LRRC7: variants seen among roughly 807,000 people sequenced by gnomAD.
LRRC7 encodes the protein leucine rich repeat containing 7.
Under a neutral mutation model 175.7 loss-of-function variants are expected in LRRC7, and 23 were observed. That is an observed-to-expected ratio of 0.13 (90% CI 0.09 to 0.19). The LOEUF (loss-of-function observed/expected upper bound fraction) is 0.19, where lower values mean the gene tolerates loss of function less well. Ranked by LOEUF, LRRC7 falls within the 10% of genes least tolerant of loss-of-function variation. LRRC7 has a pLI of 1.00. For missense variants in LRRC7, 1,354 were observed against 1,904.7 expected, an observed-to-expected ratio of 0.71 and a Z score of 5.38; for synonymous variants, 685 against 680.9, an observed-to-expected ratio of 1.01 and a Z score of -0.09.
chr1:69,965,060 G>A (rs1051141850), intron 8 of LRRC7, among the ~76,000 whole-genome samples: 4 of 152,166 alleles, frequency 2.6e-5, no homozygotes, highest in African/African-American at 9.7e-5. Context: ...AGACAGTTAT[G>A]GTGCCTTCCT....
In LRRC7 at chr1:70,076,006, A is replaced by T. The variant is rs181315023; in HGVS notation, c.4231-71A>T. 130 of 1,520,148 alleles carry T rather than the reference A, an allele frequency of 8.6e-5. No individual in the cohort carries two copies. The East Asian group carries it at 2.6e-3, about 31-fold the overall frequency. The allele number at this position is 1,520,148 out of a possible 1,614,324, so 94.2% of individuals were successfully genotyped here. ...CCGCTTTACCAGAGAGGTATTCTGTACGTGCTTTCTACTTTAATCACATCC... is the reference window on the plus strand; with the variant it reads ...CCGCTTTACCAGAGAGGTATTCTGTTCGTGCTTTCTACTTTAATCACATCC... On this transcript the variant is annotated intron_variant, in intron 23 of 26. Coordinates refer to ENST00000651989, the MANE Select transcript of LRRC7 (RefSeq NM_001370785.2).
intron 7 of LRRC7, among the ~76,000 whole-genome samples, chr1:69,891,660 A>T (rs1484650359): frequency 6.6e-6 from 1 of 152,128 alleles, no homozygotes; most frequent in Non-Finnish European, 1.5e-5. Flanking sequence ...TGAACCCAGG[A>T]GGTGGAAGTT....
intron 7 of LRRC7, among the ~76,000 whole-genome samples, chr1:69,886,054 G>T (rs2101627588): frequency 6.7e-6 from 1 of 149,906 alleles, no homozygotes; most frequent in South Asian, 2.1e-4. Context: ...GTCAATTTTG[G>T]AATAGGTGTG....
chr1:69,742,925 T>C (rs1206123883), intron 2 of LRRC7, among the ~76,000 whole-genome samples: 3 of 151,996 alleles, frequency 2.0e-5, no homozygotes, highest in African/African-American at 7.2e-5. Flanking sequence ...AGATATTCTG[T>C]TGTTAAAGGA....
At chr1:69,714,774 A>G (rs1665154839) in intron 2 of LRRC7, among the ~76,000 whole-genome samples, 1 of 151,978 alleles carries the variant, frequency 6.6e-6, no homozygotes, top group Non-Finnish European at 1.5e-5. Flanking sequence ...AAGATTAGGA[A>G]TCTGATGTTT....
In LRRC7 at chr1:69,976,127, A is replaced by T. The variant is rs1652794553; in HGVS notation, c.712-4252A>T. Among the ~76,000 whole-genome samples the T allele has an allele frequency of 2.0e-5, 3 of 152,140 alleles. 1 individual carries two copies. In the South Asian group the frequency reaches 6.2e-4, roughly 32 times the overall value. On this transcript the variant is annotated intron_variant, in intron 8 of 26. Transcript: ENST00000651989. ...AGTTATCACCTGAAATGTCTGTATT[A>T]GTCAGGATTCTCTAGAGGGACAGAA... is the stretch of plus-strand genomic sequence containing the variant.
intron 1 of LRRC7, among the ~76,000 whole-genome samples, chr1:69,673,151 C>T (rs990531050): frequency 1.3e-5 from 2 of 152,114 alleles, no homozygotes; most frequent in South Asian, 4.1e-4. Context: ...ACTTTAGAAG[C>T]ACCTGATTAA....
At position 70,136,439 on chromosome 1, in the gene LRRC7, T is replaced by C. The variant is rs116830874; in HGVS notation, c.*14552T>C. ...CTTTTTTAAAAAATTATTTAACTGT[T>C]AAAACAATTTGCCTTTTTCTCACTG... On this transcript the variant is annotated 3_prime_UTR_variant, in exon 27 of 27. Coordinates refer to ENST00000651989, the MANE Select transcript of LRRC7 (RefSeq NM_001370785.2). Among the ~76,000 whole-genome samples, 72 of 152,236 alleles carry C rather than the reference T, an allele frequency of 4.7e-4. No homozygotes were observed. The highest frequency in any genetic ancestry group is 1.7e-3 in the African/African-American group (70 of 41,540).
chr1:69,869,014 A>G (rs900329811), intron 7 of LRRC7, among the ~76,000 whole-genome samples: 8 of 151,930 alleles, frequency 5.3e-5, no homozygotes, highest in Non-Finnish European at 1.0e-4. Context: ...TTTAACTTAA[A>G]TGCTGCTTTA....
chr1:69,802,064 G>T (rs577923970), intron 4 of LRRC7, among the ~76,000 whole-genome samples: 3 of 150,926 alleles, frequency 2.0e-5, no homozygotes, highest in Non-Finnish European at 4.4e-5. Context: ...GTTTTATTCC[G>T]CTGTAGTCTG....
chr1:69,630,437 AT>A (rs1206980751), intron 1 of LRRC7, among the ~76,000 whole-genome samples: 3 of 152,162 alleles, frequency 2.0e-5, no homozygotes, highest in African/African-American at 4.8e-5. Flanking sequence ...GCCTTATAAA[AT>A]GTCTGTAATG....
intron 18 of LRRC7, 88 bp from the exon 19 acceptor site, chr1:70,036,033 T>A: frequency 2.1e-6 from 2 of 951,686 alleles, no homozygotes; most frequent in Non-Finnish European, 1.5e-6. Flanking sequence ...TCACATTTTT[T>A]AATCTGAGCC....
At chr1:69,790,227 G>T (rs1674953528) in intron 3 of LRRC7, among the ~76,000 whole-genome samples, 1 of 151,976 alleles carries the variant, frequency 6.6e-6, no homozygotes, top group Non-Finnish European at 1.5e-5. Flanking sequence ...ACTTGCCCAA[G>T]ATTGCACAGC....
intron 7 of LRRC7, among the ~76,000 whole-genome samples, chr1:69,918,579 T>C (rs1284239334): frequency 6.6e-6 from 1 of 152,212 alleles, no homozygotes; most frequent in East Asian, 1.9e-4. Flanking sequence ...TAAAATCTTG[T>C]GGGTAAGTGA....
rs934477611 is a variant in LRRC7 at position 70,039,148 on chromosome 1, G to T, written c.3324G>T (p.Leu1108Phe). ...CCAGCAAAAACATCGCCAAGGATTT[G>T]ATTAGTCCTAGAGCTTACAGAGGAT... Reference protein sequence around the residue: ...QQASKNIAKDLISPRAYRGYP... With the variant: ...QQASKNIAKDFISPRAYRGYP... Residue 1108 changes from leucine to phenylalanine, a missense_variant, in exon 21 of 27, where the codon TTG (leucine) becomes TTT (phenylalanine). Physicochemically the swap from Leu to Phe is conservative, Grantham distance 22 (BLOSUM62 0). Around this residue, in one of 4 missense-constraint regions of LRRC7, gnomAD observed 1,032 missense variants for 1,227.2 expected, o/e 0.84. Transcript: ENST00000651989. The T allele has an allele frequency of 6.2e-7, 1 of 1,614,100 alleles. No homozygotes were observed. The highest frequency in any genetic ancestry group is 8.5e-7 in the Non-Finnish European group (1 of 1,180,008).
chr1:69,919,340 G>A, intron 7 of LRRC7: 2 of 590,986 alleles, frequency 3.4e-6, no homozygotes, highest in Non-Finnish European at 3.0e-6. Context: ...ACAAAAACAA[G>A]AGCGTGAGGA....
chr1:69,881,623 A>G (rs1033568286), intron 7 of LRRC7, among the ~76,000 whole-genome samples: 11 of 152,166 alleles, frequency 7.2e-5, no homozygotes, highest in African/African-American at 2.7e-4. Context: ...TCGCACCTAT[A>G]ATCTCAGAAC....
At chr1:69,703,398 G>C (rs1248562664) in intron 2 of LRRC7, among the ~76,000 whole-genome samples, 1 of 151,228 alleles carries the variant, frequency 6.6e-6, no homozygotes, top group Admixed American at 6.6e-5. Context: ...AAGTATTTTA[G>C]ATAAATTTTT....
chr1:69,909,845 G>T lies in LRRC7; in HGVS notation c.648-21662G>T, dbSNP rs552995797. On this transcript the variant is annotated intron_variant, in intron 7 of 26. Coordinates refer to ENST00000651989, the MANE Select transcript of LRRC7 (RefSeq NM_001370785.2). ...CTTGCTAGATTGGGGATGTTCTCCT[G>T]GATAATATCCTGCAGAGTGTTTTCC... 1.4e-4 allele frequency among the ~76,000 whole-genome samples: 21 copies of T among 152,134 alleles called. No individual in the cohort carries two copies. The South Asian group carries it at 2.5e-3, about 18-fold the overall frequency.
Sources: gnomAD v4.1 joint callset for allele counts (sites outside exome capture counted in the v4.1 genomes callset) on GRCh38, gnomAD v4.1.1 for gene constraint, gnomAD v4.1.1 regional missense constraint, MANE v1.5 for transcripts, NCBI Gene and HGNC (gene_info 2026-07-23, HGNC 2026-07-21) for gene names.